MX2: variants seen among roughly 807,000 people sequenced by gnomAD.
MX2 encodes the protein MX dynamin like GTPase 2, also known as interferon-induced GTP-binding protein Mx2.
A neutral mutation model predicts 74.0 loss-of-function variants in MX2; 51 were observed. That is an observed-to-expected ratio of 0.69 (90% CI 0.55 to 0.87). The LOEUF (loss-of-function observed/expected upper bound fraction) is 0.87. Ranked by LOEUF, MX2 falls within the 40% of genes least tolerant of loss-of-function variation. The pLI, the probability that MX2 is intolerant of heterozygous loss-of-function variation, is 0.00. For synonymous variants in MX2, 369 were observed against 339.3 expected (o/e 1.09, Z -0.96); for missense variants, 832 against 908.7 (o/e 0.92, Z 1.09).
At chr21:41,382,980 C>A (rs1048650547) in intron 5 of MX2, among the ~76,000 whole-genome samples, 2 of 152,202 alleles carry the variant, frequency 1.3e-5, no homozygotes, top group South Asian at 2.1e-4. Context: ...GCAGGAGAGG[C>A]ACAGGGGTGA....
rs756583997 is a variant in MX2 at position 41,380,176 on chromosome 21, C to G, written c.577+25C>G. ...GGTGGGCCCACGTCATTCTGAGGTT[C>G]GGATCTGGCAGCCGCTCCTCTCACT... On this transcript the variant is annotated intron_variant, in intron 4 of 13. Coordinates refer to ENST00000330714, the MANE Select transcript of MX2 (RefSeq NM_002463.2). This position sits in a 1 kb window ranked among gnomAD's most constrained non-coding sequence, Gnocchi z 4.3. The G allele has an allele frequency of 6.2e-7, 1 of 1,613,024 alleles. No individual in the cohort carries two copies. Among genetic ancestry groups the G allele is most frequent in the Non-Finnish European group, 8.5e-7 (1 of 1,179,376 alleles).
At chr21:41,373,518 G>A (rs910087688) in intron 1 of MX2, among the ~76,000 whole-genome samples, 1 of 152,124 alleles carries the variant, frequency 6.6e-6, no homozygotes, top group Non-Finnish European at 1.5e-5. Flanking sequence ...GCCCTTTGGA[G>A]TTGTGTGGCT....
chr21:41,406,686 T>C (rs1568952256), intron 12 of MX2, 58 bp from the exon 13 acceptor site: 1 of 1,553,606 alleles, frequency 6.4e-7, no homozygotes, highest in Non-Finnish European at 8.7e-7. Flanking sequence ...CCAAATTTGT[T>C]TAAGCCAACA....
Position 41,368,216 on chromosome 21 carries a change from G to A in MX2, c.-72+6161G>A, listed in dbSNP as rs572238052. 4.0e-4 allele frequency among the ~76,000 whole-genome samples: 61 copies of A among 152,268 alleles called. No homozygotes were observed. Among genetic ancestry groups the A allele is most frequent in the Admixed American group, 3.9e-3 (59 of 15,302 alleles). On this transcript the variant is annotated intron_variant, in intron 1 of 13. Coordinates refer to ENST00000330714, the MANE Select transcript of MX2 (RefSeq NM_002463.2). The surrounding 1 kb of genome is among the most constrained non-coding windows in gnomAD (Gnocchi z 4.6). Reference sequence around the variant, plus strand: ...CCTCCTGCCTCTGTGCATAGCCCAAGTCCCACCTGTCCATGTGTCACCCGG... The same window carrying A: ...CCTCCTGCCTCTGTGCATAGCCCAAATCCCACCTGTCCATGTGTCACCCGG...
intron 7 of MX2, among the ~76,000 whole-genome samples, chr21:41,397,154 G>A (rs1238129807): frequency 2.0e-5 from 3 of 152,236 alleles, no homozygotes; most frequent in Admixed American, 6.5e-5. Flanking sequence ...CTGTGTGGCT[G>A]CAGCAAGCAA....
chr21:41,392,519 T>G (rs1407918239), intron 6 of MX2, among the ~76,000 whole-genome samples: 1 of 151,952 alleles, frequency 6.6e-6, no homozygotes, highest in Non-Finnish European at 1.5e-5. Flanking sequence ...GGTGGGGAAG[T>G]GGGAAATTGT....
intron 6 of MX2, among the ~76,000 whole-genome samples, chr21:41,392,732 CA>C (rs750015780): frequency 1.3e-5 from 2 of 152,068 alleles, no homozygotes; most frequent in African/African-American, 4.8e-5. Flanking sequence ...AAAGACAGAG[CA>C]GGGGGGAGCA....
rs1467316962 is a variant in MX2 at position 41,406,848 on chromosome 21, C to G, written c.1755C>G (p.Tyr585Ter). 1.2e-6 allele frequency: 2 copies of G among 1,614,220 alleles called. No individual in the cohort carries two copies. The highest frequency in any genetic ancestry group is 2.2e-5 in the South Asian group (2 of 91,088). ...TGGTTTTTTGTCAAGATCAGATTTA[C>G]AGTGTTGTTCTGAAGAAAGTCCGAG... ...EQMVFCQDQI[Y>*]SVVLKKVREE... Residue 585 changes from tyrosine to a stop codon, truncating the protein, a stop_gained, in exon 13 of 14, where the codon TAC becomes TAG. Coordinates refer to ENST00000330714, the MANE Select transcript of MX2 (RefSeq NM_002463.2). LOFTEE classifies it high-confidence loss of function.
chr21:41,377,019 C>G lies in MX2; in HGVS notation c.113C>G (p.Thr38Arg), dbSNP rs762246818. ...CAGCAACAGCCACCGCCATTCGGCA[C>G]AGTGCCACCACAAATGATGTTTCCT... is the stretch of plus-strand genomic sequence containing the variant. The part of the protein sequence containing the change: ...SFQQQPPPFG[T>R]VPPQMMFPPN... The change falls in exon 2 of 14, where the codon ACA becomes AGA. Residue 38 changes from threonine to arginine, a missense_variant. Coordinates refer to ENST00000330714, the MANE Select transcript of MX2 (RefSeq NM_002463.2). The G allele has an allele frequency of 1.2e-6, 2 of 1,614,242 alleles. No individual in the cohort carries two copies.
intron 6 of MX2, among the ~76,000 whole-genome samples, chr21:41,392,464 G>A (rs1251728338): frequency 1.3e-5 from 2 of 152,138 alleles, no homozygotes; most frequent in South Asian, 2.1e-4. Context: ...TAGGGTAGTC[G>A]GACTCATACA....
chr21:41,374,937 A>C (rs1156494226), intron 1 of MX2, among the ~76,000 whole-genome samples: 1 of 152,138 alleles, frequency 6.6e-6, no homozygotes, highest in Non-Finnish European at 1.5e-5. Flanking sequence ...CCTCACACCC[A>C]CACACAATGC....
At position 41,390,658 on chromosome 21, in the gene MX2, C is replaced by T; in HGVS notation, c.826C>T (p.Leu276=). The T allele has an allele frequency of 6.2e-7, 1 of 1,614,166 alleles. No individual in the cohort carries two copies. The highest frequency in any genetic ancestry group is 8.5e-7 in the Non-Finnish European group (1 of 1,180,034). Residue 276 remains leucine, a synonymous_variant, in exon 6 of 14, where the codon CTG becomes TTG. Transcript: ENST00000330714. ...CGTGGACATTGCCACCACGGAGGCG[C>T]TGAGCATGGCCCATGAGGTGGACCC... is the stretch of plus-strand genomic sequence containing the variant. The part of the protein sequence containing the change: ...CNVDIATTEA[L]SMAHEVDPEG...
In MX2 at chr21:41,368,020, G is replaced by A. The variant is rs2089282734; in HGVS notation, c.-72+5965G>A. ...TGGTTTTTCAGTTCCCCTCTCTCAAGACCTGCACTTTCTCTTCAAGTCAAG... is the reference window on the plus strand; with the variant it reads ...TGGTTTTTCAGTTCCCCTCTCTCAAAACCTGCACTTTCTCTTCAAGTCAAG... On this transcript the variant is annotated intron_variant, in intron 1 of 13. Transcript: ENST00000330714. This position sits in a 1 kb window ranked among gnomAD's most constrained non-coding sequence, Gnocchi z 4.6. Among the ~76,000 whole-genome samples, 2 of 152,018 alleles carry A rather than the reference G, an allele frequency of 1.3e-5. No homozygotes were observed. The highest frequency in any genetic ancestry group is 2.9e-5 in the Non-Finnish European group (2 of 68,022).
chr21:41,397,550 T>C lies in MX2; in HGVS notation c.1071-63T>C, dbSNP rs2089751930. ...CTGGGCTCACCTACCACGCACAAAGTCCGGTACTAGCAAGATGGTACACAA... is the reference window on the plus strand; with the variant it reads ...CTGGGCTCACCTACCACGCACAAAGCCCGGTACTAGCAAGATGGTACACAA... On this transcript the variant is annotated intron_variant, in intron 7 of 13. Transcript: ENST00000330714. The C allele has an allele frequency of 2.7e-6, 4 of 1,489,100 alleles. No homozygotes were observed. In the South Asian group the frequency reaches 3.4e-5, roughly 13 times the overall value. 92.2% of individuals were successfully genotyped at this position (1,489,100 alleles called of 1,614,324 possible). A position where few individuals can be genotyped will look rare whatever the true frequency, so the allele number is the denominator to read the frequency against.
chr21:41,367,962 T>C (rs941329498), intron 1 of MX2, among the ~76,000 whole-genome samples: 16 of 152,218 alleles, frequency 1.1e-4, no homozygotes, highest in African/African-American at 3.9e-4. Context: ...CCTTGTCTTC[T>C]CTTTTCTCCT....
intron 6 of MX2, among the ~76,000 whole-genome samples, chr21:41,394,159 G>T (rs547861773): frequency 2.0e-5 from 3 of 152,290 alleles, no homozygotes; most frequent in Non-Finnish European, 2.9e-5. Context: ...ATCGGGTCAT[G>T]CCCCTCTCTG....
At chr21:41,376,343 G>A (rs774295059) in intron 1 of MX2, among the ~76,000 whole-genome samples, 6 of 152,160 alleles carry the variant, frequency 3.9e-5, no homozygotes, top group Non-Finnish European at 7.4e-5. Context: ...AGACCAGCCT[G>A]AGCAACATGG....
intron 3 of MX2, among the ~76,000 whole-genome samples, chr21:41,379,328 G>A (rs898669955): frequency 6.6e-6 from 1 of 152,206 alleles, no homozygotes; most frequent in Admixed American, 6.5e-5. Flanking sequence ...AAGGTCGCGG[G>A]TTCTCAGGGC....
chr21:41,390,863 G>A (rs190444720), intron 6 of MX2, among the ~76,000 whole-genome samples, 160 bp downstream of exon 6: 21 of 152,240 alleles, frequency 1.4e-4, no homozygotes, highest in Admixed American at 3.9e-4. Context: ...AAAATTAGTC[G>A]GGCATGGTGG....
Sources: gnomAD v4.1 joint callset for allele counts (sites outside exome capture counted in the v4.1 genomes callset) on GRCh38, gnomAD v4.1.1 for gene constraint, Gnocchi (gnomAD v3.1) non-coding constraint, MANE v1.5 for transcripts, NCBI Gene and HGNC (gene_info 2026-07-23, HGNC 2026-07-21) for gene names.